MLLT3: variants seen among roughly 807,000 people sequenced by gnomAD.
MLLT3 encodes the protein protein AF-9.
Under a neutral mutation model 53.2 loss-of-function variants are expected in MLLT3, and 4 were observed. The ratio of observed to expected loss-of-function variants is 0.08; its 90% CI spans 0.04 to 0.17. The LOEUF (loss-of-function observed/expected upper bound fraction) is 0.17. MLLT3 is among the 10% of genes least tolerant of loss of function. MLLT3 has a pLI of 1.00. For synonymous variants in MLLT3, 283 were observed against 230.6 expected, an observed-to-expected ratio of 1.23 and a Z score of -2.06; for missense variants, 569 against 684.0, an observed-to-expected ratio of 0.83 and a Z score of 1.87.
At chr9:20,550,027 G>C (rs756889039) in intron 2 of MLLT3, among the ~76,000 whole-genome samples, 54 of 152,112 alleles carry the variant, frequency 3.6e-4, no homozygotes, top group Non-Finnish European at 7.1e-4. Context: ...GCTAACTAAG[G>C]AATTGCTTCT....
At chr9:20,437,815 T>C (rs1014572411) in intron 4 of MLLT3, among the ~76,000 whole-genome samples, 1 of 152,202 alleles carries the variant, frequency 6.6e-6, no homozygotes, top group Admixed American at 6.6e-5. Flanking sequence ...AAAATTCCAC[T>C]TCACTTAATC....
intron 5 of MLLT3, among the ~76,000 whole-genome samples, chr9:20,389,139 A>G (rs1254579181): frequency 1.3e-5 from 2 of 152,248 alleles, no homozygotes. Context: ...ATGAACAGAA[A>G]GGCAAATTGT....
chr9:20,502,778 T>C (rs1471359867), intron 2 of MLLT3, among the ~76,000 whole-genome samples: 3 of 152,208 alleles, frequency 2.0e-5, no homozygotes, highest in African/African-American at 7.2e-5. Context: ...TACTGAGGAA[T>C]GACTGTAGAC....
rs894928062 is a variant in MLLT3, at chr9:20,535,098, C to A, written c.194-78312G>T. Among the ~76,000 whole-genome samples, 10 of 152,224 alleles carry A rather than the reference C, an allele frequency of 6.6e-5. 1 individual carries two copies. Among genetic ancestry groups the A allele is most frequent in the Admixed American group, 5.9e-4 (9 of 15,296 alleles). ...GAACCCTGGCCTGTTAGGTACGGGG[C>A]CACACGGCAGGTCAGCGGCAGGTGA... On this transcript the variant is annotated intron_variant, in intron 2 of 10. Coordinates refer to ENST00000380338, the MANE Select transcript of MLLT3 (RefSeq NM_004529.4).
chr9:20,448,157 T>A lies in MLLT3; in HGVS notation c.386A>T (p.Glu129Val), dbSNP rs1012388121. 1 of 1,613,532 alleles carries A rather than the reference T, an allele frequency of 6.2e-7. No individual in the cohort carries two copies. The highest frequency in any genetic ancestry group is 8.5e-7 in the Non-Finnish European group (1 of 1,179,726). ...CEKLTFNNPTEDFRRKLLKAG... is the reference protein window; with the variant it reads ...CEKLTFNNPTVDFRRKLLKAG... ...CTTCAGCAACTTTCTCCTAAAGTCC[T>A]CTGTGGGGTTGTTGAAAGTTAGCTT... Residue 129 changes from glutamate (E) to valine (V), a missense_variant, in exon 4 of 11, where the codon GAG becomes GTG. Physicochemically the swap from Glu to Val is moderately radical, Grantham distance 121. This residue lies in a region of MLLT3 where 39 missense variants were observed against 68.8 expected (regional missense o/e 0.57). Transcript: ENST00000380338. This position sits in a 1 kb window ranked among gnomAD's most constrained non-coding sequence, Gnocchi z 4.0.
At chr9:20,363,446 A>G (rs1344655701) in intron 7 of MLLT3, 30 bp downstream of exon 7, 1 of 1,612,038 alleles carries the variant, frequency 6.2e-7, no homozygotes, top group South Asian at 1.1e-5. Flanking sequence ...ACTTCATCAC[A>G]GGCAACCCCT....
At chr9:20,394,138 C>T (rs944178684) in intron 5 of MLLT3, among the ~76,000 whole-genome samples, 1 of 152,078 alleles carries the variant, frequency 6.6e-6, no homozygotes, top group African/African-American at 2.4e-5. Flanking sequence ...AAGGAGCTGG[C>T]TGGATTCTCA....
intron 5 of MLLT3, among the ~76,000 whole-genome samples, chr9:20,392,601 C>G (rs1377716920): frequency 1.3e-5 from 2 of 152,156 alleles, no homozygotes; most frequent in Non-Finnish European, 1.5e-5. Flanking sequence ...TTTACCCTAG[C>G]ATTTCTACTC....
chr9:20,454,032 C>T (rs964647674), intron 3 of MLLT3, among the ~76,000 whole-genome samples: 13 of 152,040 alleles, frequency 8.6e-5, no homozygotes, highest in Admixed American at 5.9e-4. Flanking sequence ...AGAAAATCTA[C>T]GATGTTCCAA....
rs141799842 is a variant in MLLT3 at position 20,536,173 on chromosome 9, AAAAACAAAAC to A, written c.194-79397_194-79388del. 6.4e-3 allele frequency among the ~76,000 whole-genome samples: 969 copies of A among 150,670 alleles called. 5 individuals carry two copies. Among genetic ancestry groups the A allele is most frequent in the Middle Eastern group, 0.014 (4 of 290 alleles). On this transcript the variant is annotated intron_variant, in intron 2 of 10. Coordinates refer to ENST00000380338, the MANE Select transcript of MLLT3 (RefSeq NM_004529.4). ...GACTACCATTACTACCAGCATCTTTAAAAACAAAACAAAACAAAACAAAACAAAACAAAAA... is the reference window on the plus strand; with the variant it reads ...GACTACCATTACTACCAGCATCTTTAAAAACAAAACAAAACAAAACAAAAA...
At chr9:20,588,638 C>T (rs545683851) in intron 2 of MLLT3, among the ~76,000 whole-genome samples, 13 of 152,248 alleles carry the variant, frequency 8.5e-5, no homozygotes, top group African/African-American at 3.1e-4. Context: ...ATTTGCCTCT[C>T]TGTTTGTCTG....
chr9:20,344,179 T>C lies in MLLT3; in HGVS notation c.*2264A>G. 2 of 196,138 alleles carry C rather than the reference T, an allele frequency of 1.0e-5. No individual in the cohort carries two copies. Among genetic ancestry groups the C allele is most frequent in the East Asian group, 1.6e-4 (2 of 12,350 alleles). The allele number at this position is 196,138 out of a possible 1,614,324, so 12.1% of individuals were successfully genotyped here. Reference sequence around the variant, plus strand: ...TCTTATCATTATTTTTGTTTGGTCATTTCTTATCTTACCTAGCTTCTTGGT... The same window carrying C: ...TCTTATCATTATTTTTGTTTGGTCACTTCTTATCTTACCTAGCTTCTTGGT... On this transcript the variant is annotated 3_prime_UTR_variant, in exon 11 of 11. Coordinates refer to ENST00000380338, the MANE Select transcript of MLLT3 (RefSeq NM_004529.4).
At chr9:20,444,280 A>G (rs899395813) in intron 4 of MLLT3, among the ~76,000 whole-genome samples, 3 of 152,190 alleles carry the variant, frequency 2.0e-5, no homozygotes, top group African/African-American at 7.2e-5. Context: ...TTCATTCTTT[A>G]AAAATGGGAA....
intron 10 of MLLT3, among the ~76,000 whole-genome samples, chr9:20,350,466 G>T (rs1296065884): frequency 6.6e-6 from 1 of 150,830 alleles, no homozygotes; most frequent in Non-Finnish European, 1.5e-5. Context: ...GTGGTGGCGG[G>T]CGCCTGTAGT....
intron 2 of MLLT3, among the ~76,000 whole-genome samples, chr9:20,461,890 T>C (rs962060984): frequency 6.6e-6 from 1 of 152,170 alleles, no homozygotes; most frequent in African/African-American, 2.4e-5. Context: ...AGGAAACACA[T>C]CAAACTCTCT....
intron 2 of MLLT3, among the ~76,000 whole-genome samples, chr9:20,500,265 T>C (rs2118938247): frequency 6.6e-6 from 1 of 152,282 alleles, no homozygotes; most frequent in African/African-American, 2.4e-5. Context: ...TCAGGGCCCT[T>C]GGTCTCTCCT....
chr9:20,361,660 A>G (rs1821325219), intron 7 of MLLT3, among the ~76,000 whole-genome samples: 1 of 152,144 alleles, frequency 6.6e-6, no homozygotes, highest in African/African-American at 2.4e-5. Flanking sequence ...GACAATCCAC[A>G]CCACCTCCTC....
intron 5 of MLLT3, among the ~76,000 whole-genome samples, chr9:20,395,039 A>G (rs1822285420): frequency 6.6e-6 from 1 of 152,160 alleles, no homozygotes; most frequent in African/African-American, 2.4e-5. Context: ...AATGGTCACC[A>G]CCTGTGAAGC....
intron 2 of MLLT3, chr9:20,533,262 C>A: frequency 3.1e-6 from 1 of 324,254 alleles, no homozygotes; most frequent in Non-Finnish European, 6.1e-6. Context: ...TCTGCCGTCA[C>A]TGGGTCCCTA....
Sources: gnomAD v4.1 joint callset for allele counts (sites outside exome capture counted in the v4.1 genomes callset) on GRCh38, gnomAD v4.1.1 for gene constraint, gnomAD v4.1.1 regional missense constraint, Gnocchi (gnomAD v3.1) non-coding constraint, MANE v1.5 for transcripts, NCBI Gene and HGNC (gene_info 2026-07-23, HGNC 2026-07-21) for gene names.